The following BAHCC1 variants were observed in gnomAD, a reference collection of about 807,000 sequenced individuals.
The protein encoded by BAHCC1 is BAH and coiled-coil domain-containing protein 1.
BAHCC1 carries 43 observed loss-of-function variants against 88.2 expected under a neutral mutation model. The observed-to-expected ratio is 0.49, with a 90% CI of 0.38 to 0.63. BAHCC1 has a LOEUF of 0.63. Among genes scored for constraint, BAHCC1 ranks in the 20% least tolerant of loss-of-function variants. The pLI is 0.00. For synonymous variants in BAHCC1, 1,510 were observed against 745.5 expected (o/e 2.03, Z -16.71); for missense variants, 3,023 against 1,654.8 (o/e 1.83, Z -14.34).
intron 14 of BAHCC1, among the ~76,000 whole-genome samples, chr17:81,454,847 C>T (rs1240745052): frequency 2.6e-5 from 4 of 152,088 alleles, no homozygotes; most frequent in African/African-American, 4.8e-5. Context: ...GAGCACTGGG[C>T]GGCCCCTCAG....
chr17:81,399,766 G>A lies in BAHCC1; in HGVS notation c.27G>A (p.Pro9=). The A allele has an allele frequency of 8.3e-7, 1 of 1,206,250 alleles. No homozygotes were observed. The allele number at this position is 1,206,250 out of a possible 1,614,324, so 74.7% of individuals were successfully genotyped here. Residue 9 remains proline, a synonymous_variant, in exon 2 of 28, where the codon CCG becomes CCA. Coordinates refer to ENST00000675386, the MANE Select transcript of BAHCC1 (RefSeq NM_001377448.1). The surrounding 1 kb of genome is among the most constrained non-coding windows in gnomAD (Gnocchi z 4.5). The part of the protein sequence containing the change: MDGRDFAP[P]PHLLSERGSL... ...TGGATGGCCGCGACTTTGCGCCGCC[G>A]CCGCATCTGCTGTCGGAGCGCGGGA...
At chr17:81,430,712 G>A (rs1313303335) in intron 3 of BAHCC1, among the ~76,000 whole-genome samples, 3 of 152,124 alleles carry the variant, frequency 2.0e-5, no homozygotes, top group African/African-American at 7.2e-5. Context: ...CATCCTTCCT[G>A]TGATGCCTGC....
At chr17:81,418,916 A>G (rs1053626623) in intron 2 of BAHCC1, among the ~76,000 whole-genome samples, 1 of 152,026 alleles carries the variant, frequency 6.6e-6, no homozygotes, top group African/African-American at 2.4e-5. Context: ...ACAGGTTTGC[A>G]CAGACACACC....
At chr17:81,426,399 C>G (rs879147815) in intron 2 of BAHCC1, among the ~76,000 whole-genome samples, 270 of 6,306 alleles carry the variant, frequency 0.043, no homozygotes, top group African/African-American at 0.056. Context: ...TGGTGATAGT[C>G]GTGGGTGATG....
At chr17:81,463,202 C>T (rs1171183994) in intron 27 of BAHCC1, among the ~76,000 whole-genome samples, 2 of 152,170 alleles carry the variant, frequency 1.3e-5, no homozygotes, top group African/African-American at 4.8e-5. Flanking sequence ...CAGCAGTGCT[C>T]AGCATCCGGC....
chr17:81,445,799 C>G (rs2143543313), intron 10 of BAHCC1, 118 bp downstream of exon 10: 1 of 627,954 alleles, frequency 1.6e-6, no homozygotes, highest in East Asian at 2.8e-5. Flanking sequence ...CTGCCCAGAC[C>G]CAGGGCAGCA....
At chr17:81,459,659 C>T (rs1368136320) in intron 23 of BAHCC1, 55 bp downstream of exon 23, 1 of 774,954 alleles carries the variant, frequency 1.3e-6, no homozygotes, top group Middle Eastern at 2.3e-4. Flanking sequence ...CCCACAGGCT[C>T]ATATCTGCCC....
chr17:81,459,282 G>A lies in BAHCC1; in HGVS notation c.5750G>A (p.Gly1917Asp). ...IYSIVIEGER[G>D]NRQRIYSLEQ... ...AGCATCGTCATCGAGGGCGAGAGGG[G>A]CAACCGGCAGAGGATCTACTCACTG... is the stretch of plus-strand genomic sequence containing the variant. The change falls in exon 22 of 28, where the codon GGC becomes GAC. Residue 1917 changes from glycine (G) to aspartate (D), a missense_variant. By Grantham distance (94) the Gly-to-Asp change is moderately conservative. Coordinates refer to ENST00000675386, the MANE Select transcript of BAHCC1 (RefSeq NM_001377448.1). 1.3e-6 allele frequency: 1 copy of A among 779,446 alleles called. No homozygotes were observed. The highest frequency in any genetic ancestry group is 1.3e-5 in the South Asian group (1 of 74,592). 48.3% of individuals were successfully genotyped at this position (779,446 alleles called of 1,614,324 possible). A position where few individuals can be genotyped will look rare whatever the true frequency, so the allele number is the denominator to read the frequency against.
At chr17:81,432,892 C>A (rs868946568) in intron 3 of BAHCC1, among the ~76,000 whole-genome samples, 3 of 12,814 alleles carry the variant, frequency 2.3e-4, no homozygotes, top group African/African-American at 1.4e-3. Flanking sequence ...ACCTCCCCCC[C>A]CATCCCCAGG....
intron 4 of BAHCC1, 140 bp from the exon 5 acceptor site, chr17:81,441,685 AAAAAAG>A: frequency 7.1e-6 from 3 of 423,586 alleles, no homozygotes; most frequent in African/African-American, 4.1e-5. Flanking sequence ...AAAAAAAAAA[AAAAAAG>A]AGCAAAAACC....
At position 81,444,441 on chromosome 17, in the gene BAHCC1, C is replaced by A. The variant is rs1555653682; in HGVS notation, c.2385C>A (p.Asp795Glu). 1.3e-6 allele frequency: 1 copy of A among 744,092 alleles called. No individual in the cohort carries two copies. The highest frequency in any genetic ancestry group is 1.8e-5 in the Admixed American group (1 of 55,210). The allele number at this position is 744,092 out of a possible 1,614,324, so 46.1% of individuals were successfully genotyped here. ...ACCCACCGAGCAGCTGCCCTGGGGA[C>A]CTGGCCCCCCACCTCATGATGCAGA... is the stretch of plus-strand genomic sequence containing the variant. ...RIHPPSSCPG[D>E]LAPHLMMQSG... The change falls in exon 7 of 28, where the codon GAC (aspartate) becomes GAA (glutamate). Residue 795 changes from aspartate (D) to glutamate (E), a missense_variant. Asp to Glu is a conservative substitution (Grantham distance 45). Coordinates refer to ENST00000675386, the MANE Select transcript of BAHCC1 (RefSeq NM_001377448.1).
At position 81,461,871 on chromosome 17, in the gene BAHCC1, G is replaced by A. The variant is rs1445267816; in HGVS notation, c.7208G>A (p.Gly2403Asp). Residue 2403 changes from glycine (G) to aspartate (D), a missense_variant, in exon 26 of 28, where the codon GGC becomes GAC. By Grantham distance (94) the Gly-to-Asp change is moderately conservative. Coordinates refer to ENST00000675386, the MANE Select transcript of BAHCC1 (RefSeq NM_001377448.1). ...GCCACGGTGGCTGGCACCGGTGCGG[G>A]CTCAGGCCCCAGCAGCAGCAGCAAA... ...SRATVAGTGA[G>D]SGPSSSSKSK... The A allele has an allele frequency of 5.5e-6, 4 of 724,520 alleles. No individual in the cohort carries two copies. Among genetic ancestry groups the A allele is most frequent in the East Asian group, 2.7e-5 (1 of 37,646 alleles). 44.9% of individuals were successfully genotyped at this position (724,520 alleles called of 1,614,324 possible).
rs546517004 is a variant in BAHCC1 at position 81,410,600 on chromosome 17, G to A, written c.178+10683G>A. ...GAGGCACCACGGGTCGAGGCACCAC[G>A]GGTCCTGGCACCACGGGTCCTGGCA... On this transcript the variant is annotated intron_variant, in intron 2 of 27. Transcript: ENST00000675386. Among the ~76,000 whole-genome samples, 9 of 150,754 alleles carry A rather than the reference G, an allele frequency of 6.0e-5. No homozygotes were observed. In the South Asian group the frequency reaches 6.2e-4, roughly 10 times the overall value.
At chr17:81,422,867 C>T (rs1416125275) in intron 2 of BAHCC1, 13 of 347,970 alleles carry the variant, frequency 3.7e-5, no homozygotes, top group African/African-American at 1.8e-4. Context: ...GGACTCGAGG[C>T]GGGCCTGGGC....
rs1431201504 is a variant in BAHCC1 at position 81,445,358 on chromosome 17, A to G, written c.2840A>G (p.Lys947Arg). Residue 947 changes from lysine to arginine, a missense_variant, in exon 10 of 28, where the codon AAG becomes AGG. Physicochemically the swap from Lys to Arg is conservative, Grantham distance 26. Coordinates refer to ENST00000675386, the MANE Select transcript of BAHCC1 (RefSeq NM_001377448.1). The stretch of plus-strand genomic sequence containing the variant: ...GCTTGCCCCCATCCCTGACAGCGGA[A>G]GCCCGAAGACCAGCACCTGGATCTG... ...QQQRAAQFQRKPEDQHLDLEE... is the reference protein window; with the variant it reads ...QQQRAAQFQRRPEDQHLDLEE... 1.4e-5 allele frequency: 11 copies of G among 774,324 alleles called. No homozygotes were observed. In the African/African-American group the frequency reaches 1.5e-4, roughly 11 times the overall value. 48.0% of individuals were successfully genotyped at this position (774,324 alleles called of 1,614,324 possible). A position where few individuals can be genotyped will look rare whatever the true frequency, so the allele number is the denominator to read the frequency against.
chr17:81,442,047 C>T lies in BAHCC1; in HGVS notation c.698C>T (p.Ala233Val). The change falls in exon 5 of 28, where the codon GCT (alanine) becomes GTT (valine). Residue 233 changes from alanine (A) to valine (V), a missense_variant. Ala to Val is a moderately conservative substitution (Grantham distance 64, BLOSUM62 0). Transcript: ENST00000675386. Reference protein sequence around the residue: ...ELGREKAGKAAEGKERPAAEE... With the variant: ...ELGREKAGKAVEGKERPAAEE... ...GGCAGAGAGAAGGCGGGCAAGGCCG[C>T]TGAGGGCAAGGAGCGGCCAGCGGCA... 1.4e-6 allele frequency: 1 copy of T among 719,402 alleles called. No homozygotes were observed. The highest frequency in any genetic ancestry group is 1.5e-5 in the South Asian group (1 of 68,542). The allele number at this position is 719,402 out of a possible 1,614,324, so 44.6% of individuals were successfully genotyped here. A position where few individuals can be genotyped will look rare whatever the true frequency, so the allele number is the denominator to read the frequency against.
rs1598480224 is a variant in BAHCC1 at position 81,435,264 on chromosome 17, C to T, written c.359-3106C>T. Among the ~76,000 whole-genome samples the T allele has an allele frequency of 6.6e-6, 1 of 152,270 alleles. No homozygotes were observed. Among genetic ancestry groups the T allele is most frequent in the Admixed American group, 6.5e-5 (1 of 15,310 alleles). The stretch of plus-strand genomic sequence containing the variant: ...TGTCCCCCGCCCAGCCCACGCGTGG[C>T]CCCCTGGCTTTACTAACCCATCAGG... On this transcript the variant is annotated intron_variant, in intron 3 of 27. Transcript: ENST00000675386. This position sits in a 1 kb window ranked among gnomAD's most constrained non-coding sequence, Gnocchi z 4.4.
rs1555652566 is a variant in BAHCC1, at chr17:81,441,841, C to T, written c.492C>T (p.Tyr164=). Residue 164 remains tyrosine, a synonymous_variant, in exon 5 of 28, where the codon TAC becomes TAT. Transcript: ENST00000675386. ...RFYGTQKDNF[Y]LRNLPPQPTL... The stretch of plus-strand genomic sequence containing the variant: ...CTCTTTCCCACACAGATAACTTCTA[C>T]CTGCGCAACCTGCCGCCCCAGCCCA... 1.5e-6 allele frequency: 1 copy of T among 658,246 alleles called. No individual in the cohort carries two copies. Among genetic ancestry groups the T allele is most frequent in the East Asian group, 2.6e-5 (1 of 38,014 alleles). 40.8% of individuals were successfully genotyped at this position (658,246 alleles called of 1,614,324 possible).
chr17:81,457,017 C>T (rs1030380281), intron 16 of BAHCC1, among the ~76,000 whole-genome samples: 2 of 152,164 alleles, frequency 1.3e-5, no homozygotes, highest in African/African-American at 4.8e-5. Context: ...TTCTGCCAGC[C>T]CCTTCCCCCA....
Sources: allele counts gnomAD v4.1 joint callset (sites outside exome capture counted in the v4.1 genomes callset), GRCh38; gene constraint gnomAD v4.1.1; non-coding constraint Gnocchi (gnomAD v3.1); transcripts MANE v1.5; gene names NCBI Gene and HGNC (gene_info 2026-07-23, HGNC 2026-07-21).